Variants in COPS7B observed in about 807,000 individuals in gnomAD.
COPS7B encodes COP9 signalosome subunit 7B, also known as COP9 signalosome complex subunit 7b.
Under a neutral mutation model 33.4 loss-of-function variants are expected in COPS7B, and 9 were observed. That is an observed-to-expected ratio of 0.27 (90% confidence interval 0.16 to 0.47). COPS7B has a LOEUF of 0.47. Ranked by LOEUF, COPS7B falls within the 20% of genes least tolerant of loss-of-function variation. The pLI, the probability that COPS7B is intolerant of heterozygous loss-of-function variation, is 0.99. For missense variants in COPS7B, 242 were observed against 318.2 expected (o/e 0.76, Z 1.82); for synonymous variants, 119 against 126.3 (o/e 0.94, Z 0.39).
chr2:231,807,542 T>C lies in COPS7B; in HGVS notation c.692T>C (p.Met231Thr). Residue 231 changes from methionine to threonine, a missense_variant, in exon 7 of 7, where the codon ATG becomes ACG. Met to Thr is a moderately conservative substitution (Grantham distance 81). Transcript: ENST00000350033. ...KATASSSAQE[M>T]EQQLAERECP... ...ACCGCATCCTCCTCGGCTCAGGAGATGGAGCAGCAGCTGGCTGAACGGGAG... is the reference window on the plus strand; with the variant it reads ...ACCGCATCCTCCTCGGCTCAGGAGACGGAGCAGCAGCTGGCTGAACGGGAG... The C allele has an allele frequency of 6.2e-7, 1 of 1,613,174 alleles. No homozygotes were observed. Among genetic ancestry groups the C allele is most frequent in the Non-Finnish European group, 8.5e-7 (1 of 1,179,682 alleles).
chr2:231,802,999 AG>A (rs1438116680), intron 6 of COPS7B, among the ~76,000 whole-genome samples: 1 of 152,266 alleles, frequency 6.6e-6, no homozygotes, highest in African/African-American at 2.4e-5. Context: ...TTGCCCAAGA[AG>A]CCCTCTTTTC....
At chr2:231,799,791 G>A (rs2049689754) in intron 6 of COPS7B, among the ~76,000 whole-genome samples, 1 of 152,156 alleles carries the variant, frequency 6.6e-6, no homozygotes, top group Admixed American at 6.5e-5. Context: ...GTGGCGGAGT[G>A]GGACCCGTAA....
Position 231,808,949 on chromosome 2 carries a change from C to G in COPS7B, c.*1304C>G, listed in dbSNP as rs1410399767. ...TGTGACTGGGGTTTGGGGTTGCATA[C>G]CTGGTGGATCTTGAGGGGCTGGGAT... On this transcript the variant is annotated 3_prime_UTR_variant, in exon 7 of 7. Transcript: ENST00000350033. The G allele has an allele frequency of 6.5e-6, 1 of 153,212 alleles. No homozygotes were observed. 9.5% of individuals were successfully genotyped at this position (153,212 alleles called of 1,614,324 possible).
In COPS7B at chr2:231,807,483, C is replaced by T. The variant is rs779814575; in HGVS notation, c.637-4C>T. ...AGCACTCCAATTCTATATCTCCCCA[C>T]CAGGTTACCAACATCAAGAAGACAC... is the stretch of plus-strand genomic sequence containing the variant. On this transcript the variant is annotated splice_region_variant and splice_polypyrimidine_tract_variant and intron_variant, in intron 6 of 6. Transcript: ENST00000350033. The T allele has an allele frequency of 8.7e-6, 14 of 1,609,764 alleles. No homozygotes were observed. Among genetic ancestry groups the T allele is most frequent in the Non-Finnish European group, 1.2e-5 (14 of 1,177,856 alleles).
At position 231,796,167 on chromosome 2, in the gene COPS7B, A is replaced by G; in HGVS notation, c.389A>G (p.Asp130Gly). The G allele has an allele frequency of 6.2e-7, 1 of 1,614,116 alleles. No homozygotes were observed. Among genetic ancestry groups the G allele is most frequent in the Non-Finnish European group, 8.5e-7 (1 of 1,180,018 alleles). Residue 130 changes from aspartate to glycine, a missense_variant, in exon 5 of 7, where the codon GAC becomes GGC. Transcript: ENST00000350033. ...ATGCGGAATCTCCGGGAACTAGAAG[A>G]CCTTATCATTGAGGCTGTCTACACT... ...LEMRNLRELE[D>G]LIIEAVYTDI...
At chr2:231,799,036 T>C in intron 6 of COPS7B, 72 bp downstream of exon 6, 3 of 1,402,148 alleles carry the variant, frequency 2.1e-6, no homozygotes, top group Non-Finnish European at 3.0e-6. Context: ...GTTTATGTTT[T>C]TGTTTTGCGA....
chr2:231,793,129 A>G (rs936990838), intron 3 of COPS7B, among the ~76,000 whole-genome samples: 2 of 152,176 alleles, frequency 1.3e-5, no homozygotes, highest in Non-Finnish European at 2.9e-5. Flanking sequence ...ATGCAGCTCA[A>G]TTTCCTCGTC....
chr2:231,781,918 A>C (rs760600007), upstream of COPS7B: 138 of 1,539,270 alleles, frequency 9.0e-5, no homozygotes, highest in Non-Finnish European at 1.2e-4. Flanking sequence ...AACACTGATT[A>C]AACCGTGAAA....
rs2106327632 is a variant in COPS7B at position 231,796,196 on chromosome 2, A to G, written c.418A>G (p.Ile140Val). Residue 140 changes from isoleucine to valine, a missense_variant, in exon 5 of 7, where the codon ATC (isoleucine) becomes GTC (valine). Ile to Val is a conservative substitution (Grantham distance 29). Transcript: ENST00000350033. ...DLIIEAVYTD[I>V]IQGKLDQRNQ... ...TATCATTGAGGCTGTCTACACTGAC[A>G]TCATCCAGGGCAAGCTGGACCAGCG... The G allele has an allele frequency of 6.2e-7, 1 of 1,614,208 alleles. No individual in the cohort carries two copies. The highest frequency in any genetic ancestry group is 1.3e-5 in the African/African-American group (1 of 75,054).
At chr2:231,801,895 C>T (rs1009120819) in intron 6 of COPS7B, among the ~76,000 whole-genome samples, 1 of 152,104 alleles carries the variant, frequency 6.6e-6, no homozygotes, top group African/African-American at 2.4e-5. Context: ...ATGCTTCAGC[C>T]TCCTGAGTAG....
At position 231,808,657 on chromosome 2, in the gene COPS7B, G is replaced by A. The variant is rs1244609414; in HGVS notation, c.*1012G>A. On this transcript the variant is annotated 3_prime_UTR_variant, in exon 7 of 7. Transcript: ENST00000350033. Reference sequence around the variant, plus strand: ...GACTTCTGAACTTGAACAGTTTCAGGTTATATTTTAATTTTTTTTTTTTTG... The same window carrying A: ...GACTTCTGAACTTGAACAGTTTCAGATTATATTTTAATTTTTTTTTTTTTG... The A allele has an allele frequency of 2.9e-6, 1 of 348,004 alleles. No homozygotes were observed. The highest frequency in any genetic ancestry group is 5.8e-6 in the Non-Finnish European group (1 of 173,442). The allele number at this position is 348,004 out of a possible 1,614,324, so 21.6% of individuals were successfully genotyped here.
intron 6 of COPS7B, among the ~76,000 whole-genome samples, chr2:231,799,220 A>G (rs890064834): frequency 2.0e-5 from 3 of 152,196 alleles, no homozygotes; most frequent in Non-Finnish European, 2.9e-5. Context: ...TTGTAGTTTC[A>G]GTACACATGT....
intron 6 of COPS7B, chr2:231,801,391 A>G: frequency 1.4e-6 from 1 of 735,926 alleles, no homozygotes; most frequent in South Asian, 6.1e-5. Flanking sequence ...GTGGGGAGGT[A>G]ATACTTAGAG....
intron 6 of COPS7B, among the ~76,000 whole-genome samples, chr2:231,804,357 C>T (rs568439778): frequency 2.6e-5 from 4 of 151,986 alleles, no homozygotes; most frequent in African/African-American, 9.6e-5. Flanking sequence ...ACGCCATTCT[C>T]CTGCCTCAGC....
chr2:231,792,143 T>C, intron 3 of COPS7B: 1 of 494,842 alleles, frequency 2.0e-6, no homozygotes, highest in South Asian at 1.6e-5. Context: ...ACATTTTAAA[T>C]ATTATCAAAA....
At chr2:231,802,027 G>A (rs934815124) in intron 6 of COPS7B, among the ~76,000 whole-genome samples, 16 of 151,980 alleles carry the variant, frequency 1.1e-4, no homozygotes, top group African/African-American at 3.9e-4. Context: ...CGCCTGCCTC[G>A]GTCTCCCAAA....
intron 6 of COPS7B, among the ~76,000 whole-genome samples, chr2:231,800,544 A>G (rs891071896): frequency 1.3e-5 from 2 of 152,226 alleles, no homozygotes; most frequent in Non-Finnish European, 2.9e-5. Context: ...GAACTGTTCA[A>G]GTTTATTTTC....
At chr2:231,798,506 C>G (rs1394485284) in intron 5 of COPS7B, among the ~76,000 whole-genome samples, 1 of 152,096 alleles carries the variant, frequency 6.6e-6, no homozygotes, top group South Asian at 2.1e-4. Context: ...CCACCCACCT[C>G]GGCCTCTCAA....
chr2:231,800,592 C>T (rs1032543918), intron 6 of COPS7B, among the ~76,000 whole-genome samples: 2 of 152,132 alleles, frequency 1.3e-5, no homozygotes, highest in African/African-American at 4.8e-5. Context: ...GGCGGGTGTG[C>T]ACAGAGCTAT....
Sources: gnomAD v4.1 joint callset for allele counts (sites outside exome capture counted in the v4.1 genomes callset) on GRCh38, gnomAD v4.1.1 for gene constraint, MANE v1.5 for transcripts, NCBI Gene and HGNC (gene_info 2026-07-23, HGNC 2026-07-21) for gene names.